Variants in CSDE1 observed in about 807,000 individuals in gnomAD.
CSDE1 encodes the protein cold shock domain-containing protein E1.
Under a neutral mutation model 89.3 loss-of-function variants are expected in CSDE1, and 17 were observed. That is an observed-to-expected ratio of 0.19 (90% CI 0.13 to 0.29). CSDE1 has a LOEUF of 0.29. Ranked by LOEUF, CSDE1 falls within the 10% of genes least tolerant of loss-of-function variation. The pLI is 1.00. For missense variants in CSDE1, 672 were observed against 984.2 expected, an observed-to-expected ratio of 0.68 and a Z score of 4.24; for synonymous variants, 322 against 332.8, an observed-to-expected ratio of 0.97 and a Z score of 0.35.
chr1:114,753,051 T>G (rs937872106), intron 1 of CSDE1, among the ~76,000 whole-genome samples: 20 of 136,508 alleles, frequency 1.5e-4, no homozygotes, highest in African/African-American at 5.7e-4. Flanking sequence ...TATACCACCT[T>G]TAATTATATA....
At chr1:114,754,905 T>C (rs1330363486) in intron 1 of CSDE1, among the ~76,000 whole-genome samples, 3 of 152,210 alleles carry the variant, frequency 2.0e-5, no homozygotes, top group African/African-American at 4.8e-5. Flanking sequence ...CAAATGGCAG[T>C]GTGGGAAGAT....
In CSDE1 at chr1:114,739,751, G is replaced by A; in HGVS notation, c.140C>T (p.Ala47Val). 2.5e-6 allele frequency: 4 copies of A among 1,614,102 alleles called. No homozygotes were observed. Among genetic ancestry groups the A allele is most frequent in the Non-Finnish European group, 2.5e-6 (3 of 1,179,982 alleles). ...CTGTGAACAGTGGAAGAAAAGTCTA[G>A]CTTGACGTTCTGAACACTGAATAAA... ...YGFIQCSERQARLFFHCSQYN... is the reference protein window; with the variant it reads ...YGFIQCSERQVRLFFHCSQYN... Residue 47 changes from alanine (A) to valine (V), a missense_variant, in exon 3 of 20, where the codon GCT becomes GTT. Around this residue, in one of 8 missense-constraint regions of CSDE1, gnomAD observed 34 missense variants for 73.3 expected, o/e 0.46. Transcript: ENST00000358528.
At chr1:114,720,908 G>A (rs1659482762) in intron 16 of CSDE1, among the ~76,000 whole-genome samples, 191 bp from the exon 17 acceptor site, 1 of 152,184 alleles carries the variant, frequency 6.6e-6, no homozygotes, top group Non-Finnish European at 1.5e-5. Context: ...GGAACCAAAT[G>A]AGAATGTCAC....
intron 3 of CSDE1, among the ~76,000 whole-genome samples, chr1:114,739,464 A>G (rs1660602020): frequency 6.6e-6 from 1 of 152,254 alleles, no homozygotes; most frequent in East Asian, 1.9e-4. Flanking sequence ...AACAGTCATC[A>G]TTATGGGGAA....
In CSDE1 at chr1:114,741,946, C is replaced by T. The variant is rs9660603; in HGVS notation, c.1-2056G>A. Among the ~76,000 whole-genome samples, 1,302 of 152,140 alleles carry T rather than the reference C, an allele frequency of 8.6e-3. 17 individuals are homozygous for T. Among genetic ancestry groups the T allele is most frequent in the African/African-American group, 0.029 (1,223 of 41,496 alleles). On this transcript the variant is annotated intron_variant, in intron 2 of 19. Coordinates refer to ENST00000358528, the MANE Select transcript of CSDE1 (RefSeq NM_001007553.3). The stretch of plus-strand genomic sequence containing the variant: ...ATTCAGTCCAATTTCTTTTCAATGC[C>T]GATCAACTTTAAATAGAACCTATCA...
At chr1:114,727,450 G>A (rs1477110717) in intron 12 of CSDE1, among the ~76,000 whole-genome samples, 1 of 152,146 alleles carries the variant, frequency 6.6e-6, no homozygotes, top group African/African-American at 2.4e-5. Context: ...AGAAGCTTTA[G>A]TATTTCCTAA....
intron 1 of CSDE1, 134 bp from the exon 2 acceptor site, chr1:114,750,341 A>G (rs1661236204): frequency 6.6e-6 from 1 of 152,228 alleles, no homozygotes; most frequent in African/African-American, 2.4e-5. Context: ...ACTTGGAAGC[A>G]TGCTCATCTG....
intron 14 of CSDE1, 84 bp downstream of exon 14, chr1:114,726,127 T>A (rs1031726869): frequency 1.2e-4 from 161 of 1,324,950 alleles, no homozygotes; most frequent in Non-Finnish European, 1.6e-4. Context: ...ACAAGTATAA[T>A]CAATCAATAC....
chr1:114,732,113 A>AT (rs947830785), intron 10 of CSDE1, among the ~76,000 whole-genome samples: 27 of 149,976 alleles, frequency 1.8e-4, no homozygotes, highest in African/African-American at 2.7e-4. Context: ...CGTGCCTATG[A>AT]TTTTTTTTTT....
At chr1:114,734,399 A>G (rs1660279983) in intron 7 of CSDE1, 43 bp downstream of exon 7, 1 of 1,541,336 alleles carries the variant, frequency 6.5e-7, no homozygotes, top group African/African-American at 1.4e-5. Flanking sequence ...ACAACATTTC[A>G]AGTGGCCAAA....
Position 114,718,196 on chromosome 1 carries a change from C to T in CSDE1, c.2370G>A (p.Lys790=). The stretch of plus-strand genomic sequence containing the variant: ...AGTCAATGACACCAGCTTGACGGAT[C>T]TTTCTTTCTGCACCAAACCCCTGTG... The part of the protein sequence containing the change: ...DNSMGFGAER[K]IRQAGVID The change falls in exon 20 of 20, where the codon AAG becomes AAA. Residue 790 remains lysine (K), a synonymous_variant. Transcript: ENST00000358528. 1.9e-6 allele frequency: 3 copies of T among 1,613,858 alleles called. No individual in the cohort carries two copies. Among genetic ancestry groups the T allele is most frequent in the Middle Eastern group, 1.7e-4 (1 of 6,060 alleles).
At chr1:114,721,041 T>G (rs1659491957) in intron 16 of CSDE1, among the ~76,000 whole-genome samples, 2 of 152,228 alleles carry the variant, frequency 1.3e-5, no homozygotes, top group African/African-American at 4.8e-5. Flanking sequence ...TTGCCAATAT[T>G]CACAGGACTA....
intron 1 of CSDE1, 142 bp from the exon 2 acceptor site, chr1:114,750,349 C>A (rs1213445450): frequency 1.3e-5 from 2 of 152,168 alleles, no homozygotes; most frequent in Non-Finnish European, 2.9e-5. Flanking sequence ...GCATGCTCAT[C>A]TGATGTTATT....
chr1:114,730,367 C>A lies in CSDE1; in HGVS notation c.1247G>T (p.Gly416Val), dbSNP rs1660035436. The A allele has an allele frequency of 6.2e-7, 1 of 1,614,142 alleles. No individual in the cohort carries two copies. Among genetic ancestry groups the A allele is most frequent in the Non-Finnish European group, 8.5e-7 (1 of 1,180,018 alleles). ...HAIRIKKLPKGTVSFHSHSDH... is the reference protein window; with the variant it reads ...HAIRIKKLPKVTVSFHSHSDH... ...TGAATGGGAATGAAATGAAACCGTG[C>A]CCTTGGGAAGTTTTTTAATCCTAAT... Residue 416 changes from glycine (G) to valine (V), a missense_variant, in exon 12 of 20, where the codon GGC becomes GTC. Coordinates refer to ENST00000358528, the MANE Select transcript of CSDE1 (RefSeq NM_001007553.3).
chr1:114,731,545 G>GT (rs1195316760), intron 10 of CSDE1, among the ~76,000 whole-genome samples: 6 of 152,116 alleles, frequency 3.9e-5, no homozygotes, highest in Non-Finnish European at 8.8e-5. Context: ...TGGCAACACT[G>GT]AGTTATAGTG....
intron 2 of CSDE1, among the ~76,000 whole-genome samples, chr1:114,747,435 C>T (rs1281676856): frequency 6.6e-6 from 1 of 152,186 alleles, no homozygotes. Flanking sequence ...AATTTTTAGA[C>T]AGCTATGGAT....
Position 114,718,234 on chromosome 1 carries a change from A to G in CSDE1, c.2350-18T>C. The stretch of plus-strand genomic sequence containing the variant: ...CCAAACCCCTGTGGGGGGGAGAAAA[A>G]AAAAACCCTGCAGTTAATGATTTGA... On this transcript the variant is annotated intron_variant, in intron 19 of 19. Transcript: ENST00000358528. 1 of 1,609,216 alleles carries G rather than the reference A, an allele frequency of 6.2e-7. No individual in the cohort carries two copies. The highest frequency in any genetic ancestry group is 8.5e-7 in the Non-Finnish European group (1 of 1,178,628).
intron 1 of CSDE1, among the ~76,000 whole-genome samples, chr1:114,751,713 C>T (rs1410602836): frequency 1.3e-5 from 2 of 150,662 alleles, no homozygotes; most frequent in African/African-American, 2.4e-5. Context: ...AAAACAAAAA[C>T]AAACCTATGC....
At chr1:114,739,232 C>T (rs1660585647) in intron 3 of CSDE1, among the ~76,000 whole-genome samples, 1 of 152,084 alleles carries the variant, frequency 6.6e-6, no homozygotes, top group Non-Finnish European at 1.5e-5. Flanking sequence ...GGGGTTTCAC[C>T]GTGTTAGCCA....
Sources: gnomAD v4.1 joint callset for allele counts (sites outside exome capture counted in the v4.1 genomes callset) on GRCh38, gnomAD v4.1.1 for gene constraint, gnomAD v4.1.1 regional missense constraint, MANE v1.5 for transcripts, NCBI Gene and HGNC (gene_info 2026-07-23, HGNC 2026-07-21) for gene names.